Variants in PPCS observed in about 807,000 individuals in gnomAD.
PPCS encodes phosphopantothenate--cysteine ligase.
PPCS carries 17 observed loss-of-function variants against 24.6 expected under a neutral mutation model. The observed-to-expected ratio is 0.69, with a 90% CI of 0.47 to 1.04. PPCS has a LOEUF of 1.04. Among genes scored for constraint, PPCS ranks in the 50% least tolerant of loss-of-function variants. The probability of loss-of-function intolerance (pLI) is 0.00; values close to 1 mark genes in which losing one functional copy is unlikely to be tolerated. For missense variants in PPCS, 360 were observed against 402.8 expected (o/e 0.89, Z 0.91); for synonymous variants, 190 against 168.3 (o/e 1.13, Z -1.00).
At position 42,459,768 on chromosome 1, in the gene PPCS, C is replaced by G. The variant is rs1385377291; in HGVS notation, c.778C>G (p.Leu260Val). ...GCATCAAGTGGTGGTGGCTAATATCCTTGAGTCACGACAGTCCTTTGTGTT... is the reference window on the plus strand; with the variant it reads ...GCATCAAGTGGTGGTGGCTAATATCGTTGAGTCACGACAGTCCTTTGTGTT... ...YQHQVVVANI[L>V]ESRQSFVFIV... The change falls in exon 3 of 3, where the codon CTT becomes GTT. Residue 260 changes from leucine to valine, a missense_variant. Around this residue, in one of 2 missense-constraint regions of PPCS, gnomAD observed 116 missense variants for 168.1 expected, o/e 0.69. Coordinates refer to ENST00000372561, the MANE Select transcript of PPCS (RefSeq NM_024664.4). 2 of 1,614,036 alleles carry G rather than the reference C, an allele frequency of 1.2e-6. No homozygotes were observed. The highest frequency in any genetic ancestry group is 2.7e-5 in the African/African-American group (2 of 74,916).
At chr1:42,466,080 T>C (rs1452679363), downstream of PPCS, among the ~76,000 whole-genome samples, 1 of 152,266 alleles carries the variant, frequency 6.6e-6, no homozygotes, top group East Asian at 1.9e-4. Context: ...ATGTATTTTA[T>C]TTAAGATGTG....
At chr1:42,469,517 G>T (rs923040598) in intron 2 of PPCS, among the ~76,000 whole-genome samples, 2 of 152,188 alleles carry the variant, frequency 1.3e-5, no homozygotes, top group Non-Finnish European at 2.9e-5. Flanking sequence ...CTAAAGGAAG[G>T]TTATTTCTTG....
intron 2 of PPCS, among the ~76,000 whole-genome samples, chr1:42,458,670 T>C (rs1187308038): frequency 6.6e-6 from 1 of 152,242 alleles, no homozygotes; most frequent in Non-Finnish European, 1.5e-5. Context: ...GGGCAAAGTC[T>C]GATGATTAGC....
At position 42,460,186 on chromosome 1, in the gene PPCS, A is replaced by C; in HGVS notation, c.*260A>C. 1 of 1,164,770 alleles carries C rather than the reference A, an allele frequency of 8.6e-7. No individual in the cohort carries two copies. Among genetic ancestry groups the C allele is most frequent in the Non-Finnish European group, 1.1e-6 (1 of 943,396 alleles). The allele number at this position is 1,164,770 out of a possible 1,614,324, so 72.2% of individuals were successfully genotyped here. ...GGGAATTATATATTCCTTAAAATAT[A>C]CATGGGGGCCTGAATGTCAGCCATC... On this transcript the variant is annotated 3_prime_UTR_variant, in exon 3 of 3. Transcript: ENST00000372561.
In PPCS at chr1:42,459,924, T is replaced by A; in HGVS notation, c.934T>A (p.Ter312ArgextTer6). 6.2e-7 allele frequency: 1 copy of A among 1,601,814 alleles called. No homozygotes were observed. The highest frequency in any genetic ancestry group is 1.1e-5 in the South Asian group (1 of 89,914). Reference protein sequence around the residue: ...RHTAFIGDRN* With the variant: ...RHTAFIGDRNR ...CACAGCTTTTATAGGTGACAGAAAC[T>A]GAAGTAAAAAGCCCTTATAGGATCA... is the stretch of plus-strand genomic sequence containing the variant. Residue 312 changes from the stop codon to arginine, a stop_lost, in exon 3 of 3, where the codon TGA becomes AGA. Transcript: ENST00000372561.
At chr1:42,457,636 G>T in intron 2 of PPCS, 1 of 420,834 alleles carries the variant, frequency 2.4e-6, no homozygotes, top group Non-Finnish European at 4.3e-6. Context: ...CTTCTTGGAG[G>T]AGATGAATTG....
At position 42,456,654 on chromosome 1, in the gene PPCS, T is replaced by A. The variant is rs1217355949; in HGVS notation, c.89T>A (p.Leu30Gln). The change falls in exon 1 of 3, where the codon CTG (leucine) becomes CAG (glutamine). Residue 30 changes from leucine to glutamine, a missense_variant. Leu to Gln is a moderately radical substitution (Grantham distance 113). Around this residue, in one of 2 missense-constraint regions of PPCS, gnomAD observed 244 missense variants for 234.7 expected, o/e 1.04. Transcript: ENST00000372561. The part of the protein sequence containing the change: ...AEVMARFAAR[L>Q]GAQGRRVVLV... ...GTTATGGCTCGCTTCGCGGCCAGGC[T>A]GGGCGCGCAGGGCCGGCGGGTGGTG... 13 of 1,597,694 alleles carry A rather than the reference T, an allele frequency of 8.1e-6. No individual in the cohort carries two copies. Among genetic ancestry groups the A allele is most frequent in the Non-Finnish European group, 1.1e-5 (13 of 1,174,266 alleles).
At position 42,460,440 on chromosome 1, in the gene PPCS, C is replaced by T. The variant is rs1404238641; in HGVS notation, c.*514C>T. The T allele has an allele frequency of 5.3e-6, 5 of 948,954 alleles. No homozygotes were observed. In the East Asian group the frequency reaches 3.5e-4, roughly 66 times the overall value. The allele number at this position is 948,954 out of a possible 1,614,324, so 58.8% of individuals were successfully genotyped here. A position where few individuals can be genotyped will look rare whatever the true frequency, so the allele number is the denominator to read the frequency against. On this transcript the variant is annotated 3_prime_UTR_variant, in exon 3 of 3. Transcript: ENST00000372561. Reference sequence around the variant, plus strand: ...ATGTTTTGTTTTGTTTGAAATTTATCAAATATAGTAGTAGGAAAGAAGGAT... The same window carrying T: ...ATGTTTTGTTTTGTTTGAAATTTATTAAATATAGTAGTAGGAAAGAAGGAT...
intron 2 of PPCS, among the ~76,000 whole-genome samples, chr1:42,471,838 ACT>A (rs1643779669): frequency 6.6e-6 from 1 of 152,112 alleles, no homozygotes; most frequent in Admixed American, 6.6e-5. Context: ...AAATGGTAAG[ACT>A]CTAGAAAACT....
chr1:42,456,856 A>C lies in PPCS; in HGVS notation c.291A>C (p.Pro97=). 6.2e-7 allele frequency: 1 copy of C among 1,612,990 alleles called. No individual in the cohort carries two copies. The highest frequency in any genetic ancestry group is 8.5e-7 in the Non-Finnish European group (1 of 1,179,930). Residue 97 remains proline, a synonymous_variant, in exon 1 of 3, where the codon CCA becomes CCC. Coordinates refer to ENST00000372561, the MANE Select transcript of PPCS (RefSeq NM_024664.4). Reference sequence around the variant, plus strand: ...CCTTCCCCTATGCCCACCGCTTCCCACCCCAGACTTGGCTGTCCGCTCTGC... The same window carrying C: ...CCTTCCCCTATGCCCACCGCTTCCCCCCCCAGACTTGGCTGTCCGCTCTGC... ...RSAFPYAHRF[P]PQTWLSALRP...
chr1:42,465,567 T>C (rs867889004), downstream of PPCS, among the ~76,000 whole-genome samples: 5 of 152,094 alleles, frequency 3.3e-5, 1 homozygote, highest in African/African-American at 1.2e-4. Context: ...TTTCTCCACG[T>C]TGGTCAGGCT....
chr1:42,468,845 G>A (rs906958795), intron 2 of PPCS: 1 of 152,138 alleles, frequency 6.6e-6, no homozygotes, highest in Non-Finnish European at 1.5e-5. Context: ...TTAGACTCCT[G>A]TGCCCAAGCT....
downstream of PPCS, among the ~76,000 whole-genome samples, chr1:42,461,268 A>G (rs1370622943): frequency 1.3e-5 from 2 of 152,242 alleles, no homozygotes; most frequent in African/African-American, 4.8e-5. Context: ...TTAATCAGGA[A>G]ATGTGACCTT....
At position 42,460,838 on chromosome 1, in the gene PPCS, C is replaced by T. The variant is rs1643391758; in HGVS notation, c.*912C>T. ...ATCAAATGAAATAGCAAAAAGAAAGCATCAGTCTGGTGCCTAGCATTTGAT... is the reference window on the plus strand; with the variant it reads ...ATCAAATGAAATAGCAAAAAGAAAGTATCAGTCTGGTGCCTAGCATTTGAT... On this transcript the variant is annotated 3_prime_UTR_variant, in exon 3 of 3. Transcript: ENST00000372561. Among the ~76,000 whole-genome samples, 3 of 152,214 alleles carry T rather than the reference C, an allele frequency of 2.0e-5. No homozygotes were observed. The highest frequency in any genetic ancestry group is 6.5e-5 in the Admixed American group (1 of 15,286).
rs1643384179 is a variant in PPCS, at chr1:42,460,601, A to G, written c.*675A>G. Among the ~76,000 whole-genome samples, 1 of 152,176 alleles carries G rather than the reference A, an allele frequency of 6.6e-6. No homozygotes were observed. The highest frequency in any genetic ancestry group is 2.1e-4 in the South Asian group (1 of 4,836). On this transcript the variant is annotated 3_prime_UTR_variant, in exon 3 of 3. Transcript: ENST00000372561. ...TAGGACTGCTTTTCAGTTTAACTTAATATGTCCTTCCACCTGGGACCAGGC... is the reference window on the plus strand; with the variant it reads ...TAGGACTGCTTTTCAGTTTAACTTAGTATGTCCTTCCACCTGGGACCAGGC...
chr1:42,456,394 T>C, upstream of PPCS: 1 of 764,614 alleles, frequency 1.3e-6, no homozygotes, highest in Non-Finnish European at 2.0e-6. Context: ...TTCGCTGGGC[T>C]CTGGGGCAGA....
chr1:42,460,201 T>G lies in PPCS; in HGVS notation c.*275T>G. The G allele has an allele frequency of 8.8e-7, 1 of 1,133,198 alleles. No homozygotes were observed. The highest frequency in any genetic ancestry group is 1.1e-6 in the Non-Finnish European group (1 of 923,454). 70.2% of individuals were successfully genotyped at this position (1,133,198 alleles called of 1,614,324 possible). On this transcript the variant is annotated 3_prime_UTR_variant, in exon 3 of 3. Transcript: ENST00000372561. ...CTTAAAATATACATGGGGGCCTGAATGTCAGCCATCTTTATACTATAGAAA... is the reference window on the plus strand; with the variant it reads ...CTTAAAATATACATGGGGGCCTGAAGGTCAGCCATCTTTATACTATAGAAA...
In PPCS at chr1:42,456,766, A is replaced by T; in HGVS notation, c.201A>T (p.Ala67=). 6.2e-7 allele frequency: 1 copy of T among 1,612,496 alleles called. No individual in the cohort carries two copies. Among genetic ancestry groups the T allele is most frequent in the Non-Finnish European group, 8.5e-7 (1 of 1,179,890 alleles). Residue 67 remains alanine (A), a synonymous_variant, in exon 1 of 3, where the codon GCA becomes GCT. Coordinates refer to ENST00000372561, the MANE Select transcript of PPCS (RefSeq NM_024664.4). ...ACTTCAGCAGCGGGCGGCGCGGTGC[A>T]ACCTCGGCCGAGGCCTTCCTAGCCG... is the stretch of plus-strand genomic sequence containing the variant. ...LDNFSSGRRG[A]TSAEAFLAAG...
At chr1:42,462,896 A>C (rs140541778), downstream of PPCS, among the ~76,000 whole-genome samples, 1 of 152,232 alleles carries the variant, frequency 6.6e-6, no homozygotes, top group African/African-American at 2.4e-5. Flanking sequence ...GACACGATCT[A>C]GGCCTAAAAT....
Sources: allele counts gnomAD v4.1 joint callset (sites outside exome capture counted in the v4.1 genomes callset), GRCh38; gene constraint gnomAD v4.1.1; regional missense constraint gnomAD v4.1.1; transcripts MANE v1.5; gene names NCBI Gene and HGNC (gene_info 2026-07-23, HGNC 2026-07-21).